NXPH1: variants seen among roughly 807,000 people sequenced by gnomAD.
NXPH1 encodes the protein neurexophilin 1, also known as neurexophilin-1.
NXPH1 carries 5 observed loss-of-function variants against 23.7 expected under a neutral mutation model. The observed-to-expected ratio is 0.21, with a 90% confidence interval of 0.11 to 0.44. NXPH1 has a LOEUF of 0.44. NXPH1 is among the 20% of genes least tolerant of loss of function. NXPH1 has a pLI of 0.99. For missense variants in NXPH1, 324 were observed against 321.6 expected (o/e 1.01, Z -0.06); for synonymous variants, 144 against 122.2 (o/e 1.18, Z -1.18).
intron 2 of NXPH1, among the ~76,000 whole-genome samples, chr7:8,693,193 C>CA (rs752627450): frequency 5.3e-4 from 81 of 151,860 alleles, no homozygotes; most frequent in Middle Eastern, 3.4e-3. Flanking sequence ...AAAACAAAAA[C>CA]AAAAAAAACA....
chr7:8,715,290 C>T (rs557900429), intron 2 of NXPH1, among the ~76,000 whole-genome samples: 2 of 152,038 alleles, frequency 1.3e-5, no homozygotes, highest in Non-Finnish European at 2.9e-5. Flanking sequence ...TACCACATGG[C>T]GAACTGCTGT....
chr7:8,462,671 A>G (rs1816715398), intron 2 of NXPH1, among the ~76,000 whole-genome samples: 1 of 152,232 alleles, frequency 6.6e-6, no homozygotes, highest in African/African-American at 2.4e-5. Flanking sequence ...ATCAGAGAAA[A>G]TGCTGATCCC....
intron 2 of NXPH1, among the ~76,000 whole-genome samples, chr7:8,617,740 G>T (rs1402507883): frequency 6.6e-6 from 1 of 152,104 alleles, no homozygotes; most frequent in Non-Finnish European, 1.5e-5. Flanking sequence ...TAGAACAACA[G>T]GGTGACTATA....
chr7:8,512,898 T>G (rs1039302910), intron 2 of NXPH1, among the ~76,000 whole-genome samples: 15 of 152,210 alleles, frequency 9.9e-5, no homozygotes, highest in African/African-American at 3.4e-4. Flanking sequence ...AAACAGTAAT[T>G]TTCATTTACA....
chr7:8,610,499 T>C (rs924874806), intron 2 of NXPH1, among the ~76,000 whole-genome samples: 45 of 152,232 alleles, frequency 3.0e-4, no homozygotes, highest in African/African-American at 1.0e-3. Context: ...CAGAACTTTA[T>C]TACAGAAAAA....
intron 2 of NXPH1, among the ~76,000 whole-genome samples, chr7:8,607,061 C>T (rs953707510): frequency 1.3e-5 from 2 of 151,684 alleles, no homozygotes; most frequent in Non-Finnish European, 2.9e-5. Context: ...CTAGTTTTTC[C>T]TGGGACAAAT....
chr7:8,560,112 A>T (rs1200632710), intron 2 of NXPH1, among the ~76,000 whole-genome samples: 2 of 151,618 alleles, frequency 1.3e-5, no homozygotes, highest in Non-Finnish European at 3.0e-5. Flanking sequence ...GATTAATATA[A>T]CTCATTGCTG....
chr7:8,451,419 G>A (rs1032348123), intron 2 of NXPH1, among the ~76,000 whole-genome samples: 26 of 152,190 alleles, frequency 1.7e-4, no homozygotes, highest in African/African-American at 5.8e-4. Flanking sequence ...AGCAGTAGGA[G>A]TTTCTTTTTC....
intron 2 of NXPH1, among the ~76,000 whole-genome samples, chr7:8,621,197 A>G (rs1053040320): frequency 6.6e-6 from 1 of 152,204 alleles, no homozygotes; most frequent in African/African-American, 2.4e-5. Flanking sequence ...GGTGCCATAG[A>G]TTCAAAAGTG....
chr7:8,517,128 A>G (rs1009342329), intron 2 of NXPH1, among the ~76,000 whole-genome samples: 1 of 152,152 alleles, frequency 6.6e-6, no homozygotes, highest in Non-Finnish European at 1.5e-5. Context: ...TAGATGTAGC[A>G]TTTGCCTTTG....
At position 8,435,592 on chromosome 7, in the gene NXPH1, A is replaced by G; in HGVS notation, c.-110-12A>G. The G allele has an allele frequency of 2.3e-6, 2 of 866,676 alleles. No homozygotes were observed. Among genetic ancestry groups the G allele is most frequent in the Non-Finnish European group, 3.9e-6 (2 of 511,924 alleles). 53.7% of individuals were successfully genotyped at this position (866,676 alleles called of 1,614,324 possible). On this transcript the variant is annotated splice_polypyrimidine_tract_variant and intron_variant, in intron 1 of 2. Coordinates refer to ENST00000405863, the MANE Select transcript of NXPH1 (RefSeq NM_152745.3). This position sits in a 1 kb window ranked among gnomAD's most constrained non-coding sequence, Gnocchi z 5.9. ...GCGTAGTCATGGGATGTCTAATTTT[A>G]TTTGCATCTAGGCTGCTGAGAGCGC...
chr7:8,632,333 T>C (rs1820148826), intron 2 of NXPH1, among the ~76,000 whole-genome samples: 1 of 152,186 alleles, frequency 6.6e-6, no homozygotes, highest in Non-Finnish European at 1.5e-5. Context: ...CAATATTTTA[T>C]ACGTTGATTG....
At chr7:8,747,844 A>C (rs973822021) in intron 2 of NXPH1, among the ~76,000 whole-genome samples, 1 of 152,246 alleles carries the variant, frequency 6.6e-6, no homozygotes, top group African/African-American at 2.4e-5. Flanking sequence ...TAAATTTTAC[A>C]TTATAGCTAC....
intron 2 of NXPH1, among the ~76,000 whole-genome samples, chr7:8,537,601 G>A (rs923128100): frequency 4.0e-5 from 6 of 151,862 alleles, no homozygotes; most frequent in Middle Eastern, 3.2e-3. Flanking sequence ...TGACACATGG[G>A]GATTATGGGA....
intron 2 of NXPH1, among the ~76,000 whole-genome samples, chr7:8,543,925 G>A (rs1818157031): frequency 6.6e-6 from 1 of 151,510 alleles, no homozygotes; most frequent in African/African-American, 2.4e-5. Flanking sequence ...GGGATCTGTA[G>A]AATTAATTTA....
chr7:8,651,193 A>G (rs1247669027), intron 2 of NXPH1, among the ~76,000 whole-genome samples: 9 of 132,772 alleles, frequency 6.8e-5, no homozygotes, highest in South Asian at 2.9e-4. Flanking sequence ...TCATTGTTCA[A>G]TCCCACCTAT....
At chr7:8,718,564 A>G (rs1309962526) in intron 2 of NXPH1, among the ~76,000 whole-genome samples, 1 of 152,264 alleles carries the variant, frequency 6.6e-6, no homozygotes, top group African/African-American at 2.4e-5. Context: ...ATAGTTAATG[A>G]CATCAAGAGT....
chr7:8,446,778 G>A (rs1462848226), intron 2 of NXPH1, among the ~76,000 whole-genome samples: 1 of 151,692 alleles, frequency 6.6e-6, no homozygotes, highest in East Asian at 1.9e-4. Context: ...TATTTATATT[G>A]GGGGAATGAA....
At chr7:8,615,872 T>G (rs1425550916) in intron 2 of NXPH1, among the ~76,000 whole-genome samples, 1 of 152,082 alleles carries the variant, frequency 6.6e-6, no homozygotes, top group Non-Finnish European at 1.5e-5. Context: ...TATAGGAGAT[T>G]GGAAAGACTT....
Sources: gnomAD v4.1 joint callset for allele counts (sites outside exome capture counted in the v4.1 genomes callset) on GRCh38, gnomAD v4.1.1 for gene constraint, Gnocchi (gnomAD v3.1) non-coding constraint, MANE v1.5 for transcripts, NCBI Gene and HGNC (gene_info 2026-07-23, HGNC 2026-07-21) for gene names.